The following COL5A1 variants were observed in gnomAD, a reference collection of about 807,000 sequenced individuals.
COL5A1 encodes collagen alpha-1(V) chain.
COL5A1 carries 16 observed loss-of-function variants against 263.7 expected under a neutral mutation model. The observed-to-expected ratio is 0.06, with a 90% CI of 0.04 to 0.09. The LOEUF (loss-of-function observed/expected upper bound fraction) is 0.09, where lower values mean the gene tolerates loss of function less well. COL5A1 is among the 10% of genes least tolerant of loss of function. The pLI, the probability that COL5A1 is intolerant of heterozygous loss-of-function variation, is 1.00. For missense variants in COL5A1, 2,036 were observed against 2,540.5 expected, an observed-to-expected ratio of 0.80 and a Z score of 4.27; for synonymous variants, 1,012 against 1,004.5, an observed-to-expected ratio of 1.01 and a Z score of -0.14.
In COL5A1 at chr9:134,822,052, C is replaced by T. The variant is rs1183698590; in HGVS notation, c.4555-45C>T. On this transcript the variant is annotated intron_variant, in intron 58 of 65. Transcript: ENST00000371817. ...TAGCAGGGTTGCAGCCCCGCAGCTC[C>T]TCCTCGTCTGAAGGTGATAACCTGC... The T allele has an allele frequency of 3.8e-6, 6 of 1,579,546 alleles. No homozygotes were observed. In the South Asian group the frequency reaches 5.5e-5, roughly 15 times the overall value.
intron 1 of COL5A1, among the ~76,000 whole-genome samples, chr9:134,668,723 T>C (rs1178800367): frequency 6.6e-6 from 1 of 150,764 alleles, no homozygotes; most frequent in Non-Finnish European, 1.5e-5. Flanking sequence ...TGTGCATCCA[T>C]ATCATTAATC....
At chr9:134,662,245 C>T (rs117536170) in intron 1 of COL5A1, among the ~76,000 whole-genome samples, 2,142 of 152,236 alleles carry the variant, frequency 0.014, 22 homozygotes, top group Non-Finnish European at 0.023. Flanking sequence ...GTCGTGTACG[C>T]GGCCAGCACA....
Position 134,803,499 on chromosome 9 carries a change from G to A in COL5A1, c.3114+504G>A, listed in dbSNP as rs551912083. Among the ~76,000 whole-genome samples, 374 of 152,252 alleles carry A rather than the reference G, an allele frequency of 2.5e-3. 4 individuals are homozygous for A. The highest frequency in any genetic ancestry group is 7.9e-3 in the African/African-American group (329 of 41,552). On this transcript the variant is annotated intron_variant, in intron 39 of 65. Transcript: ENST00000371817. ...AAAATACAGAAATTAGCTGGGTGTG[G>A]TGGTGCGCACCTGTAATCCCACCTA...
Position 134,700,976 on chromosome 9 carries a change from G to A in COL5A1, c.492-195G>A, listed in dbSNP as rs1308280747. ...CTTGTCTGAGGGACGAGGGTTCTGG[G>A]GAATGAGTAGATCTCATGGCACGGG... On this transcript the variant is annotated intron_variant, in intron 3 of 65. Coordinates refer to ENST00000371817, the MANE Select transcript of COL5A1 (RefSeq NM_000093.5). The surrounding 1 kb of genome is among the most constrained non-coding windows in gnomAD (Gnocchi z 4.0). Among the ~76,000 whole-genome samples the A allele has an allele frequency of 6.6e-6, 1 of 152,164 alleles. No individual in the cohort carries two copies. Among genetic ancestry groups the A allele is most frequent in the Non-Finnish European group, 1.5e-5 (1 of 68,032 alleles).
chr9:134,739,710 G>C (rs73568458), intron 11 of COL5A1, among the ~76,000 whole-genome samples: 37,681 of 152,088 alleles, frequency 0.25, 4,875 homozygotes, highest in East Asian at 0.36. Context: ...GGGCCAGGGC[G>C]CAGGACAGTA....
chr9:134,802,197 G>A (rs1362038998), intron 38 of COL5A1, among the ~76,000 whole-genome samples, 190 bp downstream of exon 38: 1 of 152,198 alleles, frequency 6.6e-6, no homozygotes, highest in Admixed American at 6.5e-5. Flanking sequence ...AGATGTGTTT[G>A]CCCTCAACAC....
rs548418918 is a variant in COL5A1 at position 134,747,906 on chromosome 9, GAC to G, written c.1495-2632_1495-2631del. Among the ~76,000 whole-genome samples the G allele has an allele frequency of 6.0e-4, 69 of 114,712 alleles. No homozygotes were observed. The South Asian group carries it at 0.013, about 22-fold the overall frequency. 75.3% of individuals were successfully genotyped at this position (114,712 alleles called of 152,430 possible). On this transcript the variant is annotated intron_variant, in intron 11 of 65. Coordinates refer to ENST00000371817, the MANE Select transcript of COL5A1 (RefSeq NM_000093.5). ...ACACATGCATTCATACACACATGCA[GAC>G]ACATGCACACATGCATTCATACACA...
At chr9:134,663,157 C>T (rs998259315) in intron 1 of COL5A1, among the ~76,000 whole-genome samples, 7 of 152,358 alleles carry the variant, frequency 4.6e-5, no homozygotes, top group Admixed American at 6.5e-5. Flanking sequence ...GTGCATCCAT[C>T]GGACGCAGCC....
chr9:134,653,730 C>T (rs1377856815), intron 1 of COL5A1, among the ~76,000 whole-genome samples: 2 of 144,500 alleles, frequency 1.4e-5, no homozygotes, highest in African/African-American at 5.2e-5. Context: ...GGGGGTCTTT[C>T]AGGCAGGGGG....
chr9:134,831,339 G>A lies in COL5A1; in HGVS notation c.5136+1295G>A, dbSNP rs1839615009. Among the ~76,000 whole-genome samples, 3 of 152,214 alleles carry A rather than the reference G, an allele frequency of 2.0e-5. No homozygotes were observed. In the South Asian group the frequency reaches 6.2e-4, roughly 32 times the overall value. ...GACACTCCGAGGGTCTGTGCTCACCGTGGCTGTGTTTCTGGAGGCTTCCCG... is the reference window on the plus strand; with the variant it reads ...GACACTCCGAGGGTCTGTGCTCACCATGGCTGTGTTTCTGGAGGCTTCCCG... On this transcript the variant is annotated intron_variant, in intron 64 of 65. Coordinates refer to ENST00000371817, the MANE Select transcript of COL5A1 (RefSeq NM_000093.5).
At chr9:134,830,574 C>T (rs922016865) in intron 64 of COL5A1, among the ~76,000 whole-genome samples, 2 of 152,180 alleles carry the variant, frequency 1.3e-5, no homozygotes, top group African/African-American at 4.8e-5. Flanking sequence ...CCACTTAAGC[C>T]ATTCAGAGCT....
intron 9 of COL5A1, 31 bp downstream of exon 9, chr9:134,732,158 C>CCGGG: frequency 6.2e-7 from 1 of 1,612,770 alleles, no homozygotes; most frequent in Non-Finnish European, 8.5e-7. Flanking sequence ...CCTCCCTGCG[C>CCGGG]CGGGGTGTCC....
At chr9:134,732,582 G>T in intron 9 of COL5A1, 1 of 251,962 alleles carries the variant, frequency 4.0e-6, no homozygotes, top group South Asian at 6.3e-5. Flanking sequence ...GCAACCGTTT[G>T]GAGTAAGTTT....
Position 134,750,536 on chromosome 9 carries a change from C to A in COL5A1, c.1495-6C>A. 6.2e-7 allele frequency: 1 copy of A among 1,613,574 alleles called. No homozygotes were observed. Among genetic ancestry groups the A allele is most frequent in the South Asian group, 1.1e-5 (1 of 91,084 alleles). ...TGACTTGTCTCTCTTGGCCCCTTGTCTTCAGGGCCCCCCTGGACGCCCAGG... is the reference window on the plus strand; with the variant it reads ...TGACTTGTCTCTCTTGGCCCCTTGTATTCAGGGCCCCCCTGGACGCCCAGG... On this transcript the variant is annotated splice_region_variant and splice_polypyrimidine_tract_variant and intron_variant, in intron 11 of 65. Transcript: ENST00000371817.
intron 18 of COL5A1, among the ~76,000 whole-genome samples, chr9:134,759,539 A>C (rs1210668404): frequency 1.3e-5 from 1 of 76,942 alleles, no homozygotes; most frequent in Non-Finnish European, 2.4e-5. Flanking sequence ...TACACCACAC[A>C]TGCGCACACA....
intron 5 of COL5A1, among the ~76,000 whole-genome samples, chr9:134,727,667 CG>C (rs1834711519): frequency 6.6e-6 from 1 of 152,192 alleles, no homozygotes; most frequent in Admixed American, 6.5e-5. Flanking sequence ...TGCTCTCTCA[CG>C]CTTGGGCTTG....
rs570167548 is a variant in COL5A1, at chr9:134,814,724, C to T, written c.3907-73C>T. On this transcript the variant is annotated intron_variant, in intron 49 of 65. Transcript: ENST00000371817. ...GCTGGTCTGAATGGGGTGAGAAAAC[C>T]GGGGAGGCCCACCTTGCTCTGGGCG... is the stretch of plus-strand genomic sequence containing the variant. 3.0e-5 allele frequency: 35 copies of T among 1,153,454 alleles called. No homozygotes were observed. In the East Asian group the frequency reaches 3.1e-4, roughly 10 times the overall value. The allele number at this position is 1,153,454 out of a possible 1,614,324, so 71.5% of individuals were successfully genotyped here.
chr9:134,660,500 G>A (rs999060159), intron 1 of COL5A1, among the ~76,000 whole-genome samples: 5 of 152,196 alleles, frequency 3.3e-5, no homozygotes, highest in African/African-American at 1.2e-4. Flanking sequence ...AGAATTCACT[G>A]TAAACAGTGG....
At chr9:134,772,984 C>T (rs1016703276) in intron 26 of COL5A1, 150 bp downstream of exon 26, 9 of 841,552 alleles carry the variant, frequency 1.1e-5, no homozygotes, top group Admixed American at 8.1e-5. Context: ...GCCAAGGGAC[C>T]CAGCCTGGGG....
Sources: allele counts gnomAD v4.1 joint callset (sites outside exome capture counted in the v4.1 genomes callset), GRCh38; gene constraint gnomAD v4.1.1; non-coding constraint Gnocchi (gnomAD v3.1); transcripts MANE v1.5; gene names NCBI Gene and HGNC (gene_info 2026-07-23, HGNC 2026-07-21).